DPP9: variants seen among roughly 807,000 people sequenced by gnomAD.
DPP9 encodes dipeptidyl peptidase IV-related protein-2.
In DPP9, 50 loss-of-function variants were observed where a neutral mutation model predicts 110.7. The ratio of observed to expected loss-of-function variants is 0.45; its 90% CI spans 0.36 to 0.57. DPP9 has a LOEUF of 0.57. Among genes scored for constraint, DPP9 ranks in the 20% least tolerant of loss-of-function variants. The pLI, the probability that DPP9 is intolerant of heterozygous loss-of-function variation, is 0.00. For missense variants in DPP9, 1,022 were observed against 1,217.9 expected (o/e 0.84, Z 2.39); for synonymous variants, 561 against 514.4 (o/e 1.09, Z -1.23).
chr19:4,709,691 T>C lies in DPP9; in HGVS notation c.314-3721A>G, dbSNP rs73543634. ...TTGGGGCGAGTGAATGTTCTAGAAG[T>C]AGACAATGGTGATGGCTGCACAACT... is the stretch of plus-strand genomic sequence containing the variant. On this transcript the variant is annotated intron_variant, in intron 4 of 21. Coordinates refer to ENST00000262960, the MANE Select transcript of DPP9 (RefSeq NM_139159.5). 3.9e-3 allele frequency among the ~76,000 whole-genome samples: 591 copies of C among 152,108 alleles called. 6 individuals carry two copies. Among genetic ancestry groups the C allele is most frequent in the African/African-American group, 0.013 (559 of 41,486 alleles).
intron 9 of DPP9, among the ~76,000 whole-genome samples, chr19:4,701,750 G>C (rs745542124): frequency 3.3e-5 from 5 of 152,232 alleles, no homozygotes; most frequent in African/African-American, 4.8e-5. Context: ...AGTTGCAAGA[G>C]AGCCTGCCTT....
In DPP9 at chr19:4,698,407, C is replaced by T. The variant is rs1225541600; in HGVS notation, c.1075-756G>A. ...AGCCGACTTGTTTGATTGGCATCAC[C>T]CCAGCCCACCTAAGGACTCTGCACG... On this transcript the variant is annotated intron_variant, in intron 10 of 21. Coordinates refer to ENST00000262960, the MANE Select transcript of DPP9 (RefSeq NM_139159.5). This position sits in a 1 kb window ranked among gnomAD's most constrained non-coding sequence, Gnocchi z 4.2. Among the ~76,000 whole-genome samples, 1 of 152,224 alleles carries T rather than the reference C, an allele frequency of 6.6e-6. No individual in the cohort carries two copies. Among genetic ancestry groups the T allele is most frequent in the African/African-American group, 2.4e-5 (1 of 41,450 alleles).
At chr19:4,701,422 T>C (rs1293077928) in intron 9 of DPP9, among the ~76,000 whole-genome samples, 8 of 152,186 alleles carry the variant, frequency 5.3e-5, no homozygotes, top group Admixed American at 3.3e-4. Context: ...GAGCTGTGAT[T>C]GCACCACTGT....
rs1291792189 is a variant in DPP9, at chr19:4,704,075, C to T, written c.601-21G>A. 2 of 1,613,592 alleles carry T rather than the reference C, an allele frequency of 1.2e-6. No individual in the cohort carries two copies. The highest frequency in any genetic ancestry group is 1.7e-6 in the Non-Finnish European group (2 of 1,179,704). ...GACACCTGAGGACAGAGACGCCCAGCTCAGGGGGAGGGGCCCTCCACGCCA... is the reference window on the plus strand; with the variant it reads ...GACACCTGAGGACAGAGACGCCCAGTTCAGGGGGAGGGGCCCTCCACGCCA... On this transcript the variant is annotated intron_variant, in intron 6 of 21. Coordinates refer to ENST00000262960, the MANE Select transcript of DPP9 (RefSeq NM_139159.5). This position sits in a 1 kb window ranked among gnomAD's most constrained non-coding sequence, Gnocchi z 6.0.
At chr19:4,702,764 A>T (rs2145726851) in intron 7 of DPP9, 48 bp from the exon 8 acceptor site, 2 of 1,183,046 alleles carry the variant, frequency 1.7e-6, no homozygotes, top group South Asian at 1.3e-5. Flanking sequence ...CAGCCTGCTA[A>T]CACTGGGGAC....
Position 4,720,018 on chromosome 19 carries a change from C to T in DPP9, c.-35-77G>A, listed in dbSNP as rs920999171. 10 of 1,215,692 alleles carry T rather than the reference C, an allele frequency of 8.2e-6. No individual in the cohort carries two copies. The African/African-American group carries it at 1.4e-4, about 18-fold the overall frequency. The allele number at this position is 1,215,692 out of a possible 1,614,324, so 75.3% of individuals were successfully genotyped here. A position where few individuals can be genotyped will look rare whatever the true frequency, so the allele number is the denominator to read the frequency against. On this transcript the variant is annotated intron_variant, in intron 2 of 21. Transcript: ENST00000262960. ...GAGTGGGCGCTCCTGCCCCCTTCGC[C>T]CCCTCCTCATTGCTCCAGGCAGCCC...
chr19:4,702,046 C>G lies in DPP9; in HGVS notation c.993G>C (p.Ser331=). ...ACTCACCTGTCCTGGGGTACCGATACGAGTCCGTCTTCCTTTCTTCTAGCG... is the reference window on the plus strand; with the variant it reads ...ACTCACCTGTCCTGGGGTACCGATAGGAGTCCGTCTTCCTTTCTTCTAGCG... ...SPALEERKTD[S]YRYPRTGSKN... is the part of the protein sequence containing the mutation. Residue 331 remains serine, a synonymous_variant, in exon 9 of 22, where the codon TCG becomes TCC. Transcript: ENST00000262960. The G allele has an allele frequency of 1.2e-6, 2 of 1,613,818 alleles. No individual in the cohort carries two copies. Among genetic ancestry groups the G allele is most frequent in the Non-Finnish European group, 1.7e-6 (2 of 1,179,760 alleles).
intron 21 of DPP9, among the ~76,000 whole-genome samples, chr19:4,678,232 C>T (rs966454418): frequency 3.3e-5 from 5 of 152,186 alleles, no homozygotes; most frequent in Admixed American, 2.0e-4. Context: ...CCTGCCTCAG[C>T]CTCCCGAGTA....
rs867962870 is a variant in DPP9 at position 4,714,486 on chromosome 19, C to A, written c.57-149G>T. ...CTCCCTAAACACTTCTTGGGTTGGT[C>A]TACCTCTCTCCATGTCACTAATGCT... is the stretch of plus-strand genomic sequence containing the variant. On this transcript the variant is annotated intron_variant, in intron 3 of 21. Coordinates refer to ENST00000262960, the MANE Select transcript of DPP9 (RefSeq NM_139159.5). 4.1e-6 allele frequency: 4 copies of A among 980,336 alleles called. No homozygotes were observed. The African/African-American group carries it at 6.6e-5, about 16-fold the overall frequency. 60.7% of individuals were successfully genotyped at this position (980,336 alleles called of 1,614,324 possible). A position where few individuals can be genotyped will look rare whatever the true frequency, so the allele number is the denominator to read the frequency against.
Position 4,684,692 on chromosome 19 carries a change from G to T in DPP9, c.2149C>A (p.Arg717=), listed in dbSNP as rs369304364. Residue 717 remains arginine, a synonymous_variant, in exon 18 of 22, where the codon CGG becomes AGG. Transcript: ENST00000262960. The surrounding 1 kb of genome is among the most constrained non-coding windows in gnomAD (Gnocchi z 4.8). ...TGGTTTTTCAGGGCCCCTTCGAACC[G>T]AAGCCCTCGCTGACAGGAGCCCCTG... is the stretch of plus-strand genomic sequence containing the variant. ...DGRGSCQRGL[R]FEGALKNQMG... The T allele has an allele frequency of 5.6e-6, 9 of 1,612,688 alleles. No individual in the cohort carries two copies. The highest frequency in any genetic ancestry group is 7.6e-6 in the Non-Finnish European group (9 of 1,179,492).
intron 13 of DPP9, among the ~76,000 whole-genome samples, chr19:4,692,995 A>G (rs531672911): frequency 6.6e-6 from 1 of 152,210 alleles, no homozygotes; most frequent in Non-Finnish European, 1.5e-5. Flanking sequence ...TTCGCCCTTC[A>G]GCTCCTGCAG....
In DPP9 at chr19:4,693,484, T is replaced by G. The variant is rs2091507634; in HGVS notation, c.1516+1177A>C. On this transcript the variant is annotated intron_variant, in intron 13 of 21. Transcript: ENST00000262960. The surrounding 1 kb of genome is among the most constrained non-coding windows in gnomAD (Gnocchi z 5.0). The stretch of plus-strand genomic sequence containing the variant: ...CTGGATTTTTTCTCTCCTAGAACAG[T>G]CCCTCTCTGAGTCTGTCTTAGACTG... 6.6e-6 allele frequency among the ~76,000 whole-genome samples: 1 copy of G among 152,116 alleles called. No individual in the cohort carries two copies. Among genetic ancestry groups the G allele is most frequent in the Non-Finnish European group, 1.5e-5 (1 of 67,998 alleles).
intron 4 of DPP9, among the ~76,000 whole-genome samples, chr19:4,712,059 G>A (rs921654183): frequency 6.6e-6 from 1 of 152,114 alleles, no homozygotes; most frequent in African/African-American, 2.4e-5. Flanking sequence ...TCCTCCAAAC[G>A]CCCTGACCAG....
intron 4 of DPP9, among the ~76,000 whole-genome samples, chr19:4,713,339 A>G (rs892851606): frequency 2.5e-4 from 38 of 152,188 alleles, no homozygotes; most frequent in African/African-American, 9.2e-4. Flanking sequence ...TCCGCTGCCC[A>G]CCTCACGGGA....
At position 4,704,049 on chromosome 19, in the gene DPP9, G is replaced by A; in HGVS notation, c.606C>T (p.Ser202=). Reference sequence around the variant, plus strand: ...TCTTGATTTCCAGCGGTTTCATAGGGGACACCTGAGGACAGAGACGCCCAG... The same window carrying A: ...TCTTGATTTCCAGCGGTTTCATAGGAGACACCTGAGGACAGAGACGCCCAG... ...RDGGKNGFMV[S]PMKPLEIKTQ... is the part of the protein sequence containing the mutation. The change falls in exon 7 of 22, where the codon TCC becomes TCT. Residue 202 remains serine, a synonymous_variant. Transcript: ENST00000262960. The surrounding 1 kb of genome is among the most constrained non-coding windows in gnomAD (Gnocchi z 6.0). The A allele has an allele frequency of 6.2e-7, 1 of 1,613,966 alleles. No homozygotes were observed. Among genetic ancestry groups the A allele is most frequent in the Non-Finnish European group, 8.5e-7 (1 of 1,179,862 alleles).
rs2091925701 is a variant in DPP9, at chr19:4,697,779, C to G, written c.1075-128G>C. 8.6e-6 allele frequency: 6 copies of G among 695,706 alleles called. No individual in the cohort carries two copies. In the Admixed American group the frequency reaches 1.6e-4, roughly 19 times the overall value. The allele number at this position is 695,706 out of a possible 1,614,324, so 43.1% of individuals were successfully genotyped here. A position where few individuals can be genotyped will look rare whatever the true frequency, so the allele number is the denominator to read the frequency against. On this transcript the variant is annotated intron_variant, in intron 10 of 21. Transcript: ENST00000262960. ...TATGCTGGAGTCTCAGCCCCCAGAA[C>G]CCCAGAACGCAACCTTCTTTGGAAA...
chr19:4,719,993 G>A, intron 2 of DPP9, 52 bp from the exon 3 acceptor site: 14 of 1,468,536 alleles, frequency 9.5e-6, no homozygotes, highest in Non-Finnish European at 1.3e-5. Flanking sequence ...AGCAGGTGGG[G>A]AGTGGGCGCT....
chr19:4,705,984 G>T lies in DPP9; in HGVS notation c.314-14C>A, dbSNP rs1332623345. ...CATATGGCATTCCTAAAGGGAGAAA[G>T]GAAACACCCAGAACGGGTACCCTGG... On this transcript the variant is annotated splice_polypyrimidine_tract_variant and intron_variant, in intron 4 of 21. Transcript: ENST00000262960. The T allele has an allele frequency of 5.6e-6, 9 of 1,610,714 alleles. No individual in the cohort carries two copies. The highest frequency in any genetic ancestry group is 7.6e-6 in the Non-Finnish European group (9 of 1,177,486).
At position 4,699,472 on chromosome 19, in the gene DPP9, TG is replaced by T. The variant is rs1292585282; in HGVS notation, c.1074+743del. On this transcript the variant is annotated intron_variant, in intron 10 of 21. Transcript: ENST00000262960. ...AGAGAACTGATCAATGTGGGGCTAT[TG>T]GGGGTCCCCTGGGAGGGCAGGGATG... 2.6e-5 allele frequency among the ~76,000 whole-genome samples: 4 copies of T among 151,944 alleles called. No homozygotes were observed. The East Asian group carries it at 5.8e-4, about 22-fold the overall frequency.
Sources: gnomAD v4.1 joint callset for allele counts (sites outside exome capture counted in the v4.1 genomes callset) on GRCh38, gnomAD v4.1.1 for gene constraint, Gnocchi (gnomAD v3.1) non-coding constraint, MANE v1.5 for transcripts, NCBI Gene and HGNC (gene_info 2026-07-23, HGNC 2026-07-21) for gene names.